Variants in CDK14 observed in about 807,000 individuals in gnomAD.
The protein encoded by CDK14 is cyclin-dependent kinase 14.
A neutral mutation model predicts 60.7 loss-of-function variants in CDK14; 34 were observed. The observed-to-expected ratio is 0.56, with a 90% CI of 0.43 to 0.75. CDK14 has a LOEUF of 0.75. Ranked by LOEUF, CDK14 falls within the 30% of genes least tolerant of loss-of-function variation. CDK14 has a pLI of 0.00. For missense variants in CDK14, 482 were observed against 564.1 expected, an observed-to-expected ratio of 0.85 and a Z score of 1.47; for synonymous variants, 197 against 203.7, an observed-to-expected ratio of 0.97 and a Z score of 0.28.
At position 90,823,616 on chromosome 7, in the gene CDK14, A is replaced by G. The variant is rs138519713; in HGVS notation, c.544+32964A>G. 4.5e-3 allele frequency among the ~76,000 whole-genome samples: 692 copies of G among 152,256 alleles called. 7 individuals are homozygous for G. The highest frequency in any genetic ancestry group is 0.013 in the African/African-American group (558 of 41,564). Reference sequence around the variant, plus strand: ...CATGCAGCAAGTTGTAGTAGGAGGGAGTAGGTATTTCGAATCAACCAAACC... The same window carrying G: ...CATGCAGCAAGTTGTAGTAGGAGGGGGTAGGTATTTCGAATCAACCAAACC... On this transcript the variant is annotated intron_variant, in intron 5 of 14. Transcript: ENST00000380050.
chr7:91,069,475 A>G (rs1304056393), intron 11 of CDK14, among the ~76,000 whole-genome samples: 1 of 152,200 alleles, frequency 6.6e-6, no homozygotes, highest in Admixed American at 6.5e-5. Flanking sequence ...CAAGAATTCA[A>G]GGCTACAGTG....
chr7:91,056,000 CT>C (rs1402168117), intron 11 of CDK14, among the ~76,000 whole-genome samples: 3 of 152,150 alleles, frequency 2.0e-5, no homozygotes, highest in Non-Finnish European at 4.4e-5. Flanking sequence ...AACTAGGAAT[CT>C]ATGCATTGTA....
intron 8 of CDK14, among the ~76,000 whole-genome samples, chr7:90,933,734 C>T (rs1239687593): frequency 6.6e-6 from 1 of 152,092 alleles, no homozygotes; most frequent in Non-Finnish European, 1.5e-5. Context: ...AGAGACAGGG[C>T]TCAGTATAAG....
At chr7:91,000,595 T>G (rs1795810536) in intron 10 of CDK14, among the ~76,000 whole-genome samples, 1 of 152,214 alleles carries the variant, frequency 6.6e-6, no homozygotes, top group African/African-American at 2.4e-5. Context: ...CTTTATTCCC[T>G]CCACATAACC....
At chr7:91,173,772 G>C (rs561916982) in intron 14 of CDK14, among the ~76,000 whole-genome samples, 1 of 152,218 alleles carries the variant, frequency 6.6e-6, no homozygotes, top group Non-Finnish European at 1.5e-5. Flanking sequence ...GGCTCACCAC[G>C]AGATTATATC....
chr7:90,984,061 T>G, intron 9 of CDK14, 87 bp from the exon 10 acceptor site: 1 of 845,834 alleles, frequency 1.2e-6, no homozygotes, highest in East Asian at 2.4e-5. Flanking sequence ...GCTTCTCTTC[T>G]GTAGGAGTGG....
chr7:90,650,032 A>G (rs950265299), intron 2 of CDK14, among the ~76,000 whole-genome samples: 2 of 152,206 alleles, frequency 1.3e-5, no homozygotes, highest in African/African-American at 2.4e-5. Context: ...AGGAATCACC[A>G]CACTGTCTTC....
chr7:91,057,345 T>G (rs1336124596), intron 11 of CDK14, among the ~76,000 whole-genome samples: 2 of 152,166 alleles, frequency 1.3e-5, no homozygotes, highest in African/African-American at 4.8e-5. Flanking sequence ...TTTTCTCCGA[T>G]GCTGTAGGTT....
rs535855369 is a variant in CDK14, at chr7:91,142,801, A to G, written c.*28+24593A>G. On this transcript the variant is annotated intron_variant, in intron 14 of 14. Coordinates refer to ENST00000380050, the MANE Select transcript of CDK14 (RefSeq NM_001287135.2). Reference sequence around the variant, plus strand: ...AGGAACAAAAGGAAAAGACTGTAACAAGTTTCTAAAGAAGAAAGATCTCCT... The same window carrying G: ...AGGAACAAAAGGAAAAGACTGTAACGAGTTTCTAAAGAAGAAAGATCTCCT... 7.9e-5 allele frequency among the ~76,000 whole-genome samples: 12 copies of G among 152,342 alleles called. No individual in the cohort carries two copies. In the South Asian group the frequency reaches 2.5e-3, roughly 32 times the overall value.
intron 12 of CDK14, among the ~76,000 whole-genome samples, chr7:91,103,174 AC>A (rs1208356653): frequency 1.3e-5 from 2 of 151,940 alleles, no homozygotes; most frequent in African/African-American, 4.8e-5. Context: ...AATCGCTGGA[AC>A]CCAGTAGGCA....
At chr7:90,764,394 G>A (rs2116870757) in intron 4 of CDK14, among the ~76,000 whole-genome samples, 1 of 152,310 alleles carries the variant, frequency 6.6e-6, no homozygotes, top group East Asian at 1.9e-4. Context: ...GGTGAAATTA[G>A]GTGCTGTTAG....
intron 2 of CDK14, chr7:90,726,232 A>T: frequency 1.2e-6 from 1 of 839,036 alleles, no homozygotes; most frequent in Non-Finnish European, 1.4e-6. Flanking sequence ...CCAACCTCTT[A>T]ATGATTCAGA....
rs12334022 is a variant in CDK14, at chr7:90,617,349, G to A, written c.123+13100G>A. ...GCTGCCTCCCAGGAGAAGGGAGAAA[G>A]GGAGAAATAACATCTAGGTACTACT... On this transcript the variant is annotated intron_variant, in intron 2 of 14. Coordinates refer to ENST00000380050, the MANE Select transcript of CDK14 (RefSeq NM_001287135.2). 7.1e-4 allele frequency among the ~76,000 whole-genome samples: 108 copies of A among 152,062 alleles called. 2 individuals carry two copies. Among genetic ancestry groups the A allele is most frequent in the African/African-American group, 2.6e-3 (108 of 41,500 alleles).
At chr7:91,182,511 A>G (rs1204381998) in intron 14 of CDK14, among the ~76,000 whole-genome samples, 3 of 151,992 alleles carry the variant, frequency 2.0e-5, no homozygotes, top group African/African-American at 7.2e-5. Flanking sequence ...CTCCTTATGC[A>G]ATTTTTTTTA....
At chr7:90,711,031 T>C (rs1802041394) in intron 2 of CDK14, among the ~76,000 whole-genome samples, 1 of 152,112 alleles carries the variant, frequency 6.6e-6, no homozygotes. Context: ...TCCACTTGTG[T>C]ATAGTTTAAT....
chr7:90,893,795 A>G (rs576963638), intron 6 of CDK14, among the ~76,000 whole-genome samples: 1 of 152,312 alleles, frequency 6.6e-6, no homozygotes, highest in East Asian at 1.9e-4. Context: ...GGAAAATGTG[A>G]CATTGTAGTA....
intron 9 of CDK14, among the ~76,000 whole-genome samples, chr7:90,972,297 T>C (rs1454112407): frequency 1.3e-5 from 2 of 152,216 alleles, no homozygotes; most frequent in Non-Finnish European, 2.9e-5. Flanking sequence ...GTTTAATCAA[T>C]TTGGTTCCTT....
At chr7:90,961,582 A>G (rs1794604579) in intron 9 of CDK14, among the ~76,000 whole-genome samples, 1 of 152,208 alleles carries the variant, frequency 6.6e-6, no homozygotes, top group Non-Finnish European at 1.5e-5. Flanking sequence ...TACTATTTCT[A>G]ATTAATCAGG....
chr7:91,016,521 G>A (rs1187903426), intron 10 of CDK14, among the ~76,000 whole-genome samples: 1 of 152,114 alleles, frequency 6.6e-6, no homozygotes, highest in Non-Finnish European at 1.5e-5. Context: ...AACCTCTTTT[G>A]AAAGTGAGTT....
Sources: gnomAD v4.1 joint callset for allele counts (sites outside exome capture counted in the v4.1 genomes callset) on GRCh38, gnomAD v4.1.1 for gene constraint, MANE v1.5 for transcripts, NCBI Gene and HGNC (gene_info 2026-07-23, HGNC 2026-07-21) for gene names.